The following ADIPOR2 variants were observed in gnomAD, a reference collection of about 807,000 sequenced individuals.
The protein encoded by ADIPOR2 is adiponectin receptor protein 2.
A neutral mutation model predicts 40.9 loss-of-function variants in ADIPOR2; 18 were observed. That is an observed-to-expected ratio of 0.44 (90% confidence interval 0.30 to 0.65). The LOEUF (loss-of-function observed/expected upper bound fraction) is 0.65. Among genes scored for constraint, ADIPOR2 ranks in the 30% least tolerant of loss-of-function variants. The pLI, the probability that ADIPOR2 is intolerant of heterozygous loss-of-function variation, is 0.09. For missense variants in ADIPOR2, 283 were observed against 479.2 expected (o/e 0.59, Z 3.82); for synonymous variants, 165 against 166.4 (o/e 0.99, Z 0.06).
chr12:1,725,156 T>A (rs1265550391), intron 1 of ADIPOR2, among the ~76,000 whole-genome samples: 2 of 150,828 alleles, frequency 1.3e-5, no homozygotes, highest in African/African-American at 4.9e-5. Context: ...AGTTTCACTC[T>A]TGTCACCCAG....
chr12:1,702,471 T>G (rs2094652413), intron 1 of ADIPOR2, among the ~76,000 whole-genome samples: 1 of 152,186 alleles, frequency 6.6e-6, no homozygotes, highest in Non-Finnish European at 1.5e-5. Flanking sequence ...ATTGTCAGAT[T>G]TTTTACATGT....
At chr12:1,745,477 A>G (rs1372316730) in intron 1 of ADIPOR2, among the ~76,000 whole-genome samples, 1 of 152,102 alleles carries the variant, frequency 6.6e-6, no homozygotes, top group Non-Finnish European at 1.5e-5. Context: ...TGTCTATGGT[A>G]TTGGCTGTTG....
intron 1 of ADIPOR2, chr12:1,697,969 A>G (rs2094642611): frequency 6.6e-6 from 1 of 152,258 alleles, no homozygotes; most frequent in Non-Finnish European, 1.5e-5. Flanking sequence ...TAACCCTTTA[A>G]TGTCAGCCAG....
At chr12:1,769,785 A>G (rs960442439) in intron 2 of ADIPOR2, among the ~76,000 whole-genome samples, 4 of 151,404 alleles carry the variant, frequency 2.6e-5, no homozygotes, top group African/African-American at 4.9e-5. Flanking sequence ...CAGGTGGTGC[A>G]CCCACGTTGG....
At chr12:1,761,885 T>C (rs1336030309) in intron 2 of ADIPOR2, among the ~76,000 whole-genome samples, 1 of 152,232 alleles carries the variant, frequency 6.6e-6, no homozygotes, top group Non-Finnish European at 1.5e-5. Flanking sequence ...ATAAAGTTTA[T>C]TATGCCATTC....
intron 1 of ADIPOR2, among the ~76,000 whole-genome samples, chr12:1,693,171 A>G (rs567468451): frequency 2.6e-4 from 40 of 152,308 alleles, no homozygotes; most frequent in African/African-American, 8.9e-4. Context: ...AAAGAGGAAG[A>G]AAAAAGTTTT....
intron 1 of ADIPOR2, among the ~76,000 whole-genome samples, chr12:1,752,099 A>T (rs981100261): frequency 1.3e-5 from 2 of 150,330 alleles, no homozygotes; most frequent in African/African-American, 2.4e-5. Context: ...AGTAGAGACT[A>T]ATTTTTTGTA....
intron 1 of ADIPOR2, among the ~76,000 whole-genome samples, chr12:1,745,025 G>A (rs1258290439): frequency 2.0e-5 from 3 of 152,108 alleles, no homozygotes; most frequent in Non-Finnish European, 2.9e-5. Flanking sequence ...GTCAGAAGGA[G>A]CCAATCAGCA....
intron 1 of ADIPOR2, among the ~76,000 whole-genome samples, chr12:1,741,821 A>C (rs2094743458): frequency 2.6e-5 from 4 of 152,170 alleles, no homozygotes; most frequent in Admixed American, 2.6e-4. Context: ...TTAGTGCTAG[A>C]GTTCTTTTTT....
At chr12:1,734,437 T>C (rs1389929489) in intron 1 of ADIPOR2, among the ~76,000 whole-genome samples, 2 of 152,208 alleles carry the variant, frequency 1.3e-5, no homozygotes, top group South Asian at 2.1e-4. Context: ...TCATATCCTT[T>C]GCCCACTTTT....
At chr12:1,744,062 T>C (rs1173420026) in intron 1 of ADIPOR2, among the ~76,000 whole-genome samples, 1 of 152,154 alleles carries the variant, frequency 6.6e-6, no homozygotes, top group Non-Finnish European at 1.5e-5. Flanking sequence ...TTTATTTTGC[T>C]GTTATGTTTT....
intron 1 of ADIPOR2, among the ~76,000 whole-genome samples, chr12:1,691,716 A>G (rs2094627517): frequency 6.6e-6 from 1 of 152,060 alleles, no homozygotes. Flanking sequence ...CCTGCTTGGT[A>G]CCTGGAGTCC....
intron 1 of ADIPOR2, among the ~76,000 whole-genome samples, chr12:1,720,021 A>T (rs906639495): frequency 2.0e-5 from 3 of 152,126 alleles, no homozygotes; most frequent in Non-Finnish European, 4.4e-5. Context: ...TACAAAGTGA[A>T]TTCTAAAGAA....
intron 1 of ADIPOR2, among the ~76,000 whole-genome samples, chr12:1,744,754 T>C (rs2094751305): frequency 6.6e-6 from 1 of 152,244 alleles, no homozygotes; most frequent in Non-Finnish European, 1.5e-5. Flanking sequence ...TTTATATTTA[T>C]CTTTGGATAG....
At chr12:1,735,304 C>G (rs1310278290) in intron 1 of ADIPOR2, among the ~76,000 whole-genome samples, 1 of 152,158 alleles carries the variant, frequency 6.6e-6, no homozygotes, top group Non-Finnish European at 1.5e-5. Flanking sequence ...TTGAAGAGGT[C>G]CTTCACGTCC....
chr12:1,749,393 G>C (rs1436952876), intron 1 of ADIPOR2, among the ~76,000 whole-genome samples: 3 of 152,244 alleles, frequency 2.0e-5, no homozygotes, highest in Non-Finnish European at 2.9e-5. Context: ...GCAGGAGAAA[G>C]AGGCCTGCCT....
At chr12:1,785,821 C>CT in intron 7 of ADIPOR2, 123 bp from the exon 8 acceptor site, 1 of 1,297,666 alleles carries the variant, frequency 7.7e-7, no homozygotes, top group South Asian at 1.4e-5. Context: ...AATTTGAGCT[C>CT]TGTCACATCC....
At chr12:1,730,454 A>G (rs1051989786) in intron 1 of ADIPOR2, among the ~76,000 whole-genome samples, 3 of 151,062 alleles carry the variant, frequency 2.0e-5, no homozygotes, top group African/African-American at 7.3e-5. Flanking sequence ...CGTCTCTACT[A>G]AAAATACAAA....
intron 1 of ADIPOR2, among the ~76,000 whole-genome samples, chr12:1,742,292 C>A (rs535005487): frequency 6.6e-6 from 1 of 152,156 alleles, no homozygotes; most frequent in Non-Finnish European, 1.5e-5. Context: ...GGAGTCTTGC[C>A]GTGTTGCCCA....
Sources: gnomAD v4.1 joint callset for allele counts (sites outside exome capture counted in the v4.1 genomes callset) on GRCh38, gnomAD v4.1.1 for gene constraint, MANE v1.5 for transcripts, NCBI Gene and HGNC (gene_info 2026-07-23, HGNC 2026-07-21) for gene names.